Variants in NIPSNAP2 observed in about 807,000 individuals in gnomAD.
NIPSNAP2 encodes nipsnap homolog 2.
Under a neutral mutation model 48.4 loss-of-function variants are expected in NIPSNAP2, and 42 were observed. That is an observed-to-expected ratio of 0.87 (90% confidence interval 0.68 to 1.12). The LOEUF (loss-of-function observed/expected upper bound fraction) is 1.12, where lower values mean the gene tolerates loss of function less well. Ranked by LOEUF, NIPSNAP2 falls within the 50% of genes most tolerant of loss-of-function variation. The probability of loss-of-function intolerance (pLI) is 0.00; values close to 1 mark genes in which losing one functional copy is unlikely to be tolerated. For missense variants in NIPSNAP2, 314 were observed against 347.3 expected (o/e 0.90, Z 0.76); for synonymous variants, 158 against 126.6 (o/e 1.25, Z -1.67).
At chr7:55,971,460 A>G (rs545243202) in intron 1 of NIPSNAP2, among the ~76,000 whole-genome samples, 22 of 151,978 alleles carry the variant, frequency 1.4e-4, no homozygotes, top group African/African-American at 5.1e-4. Flanking sequence ...TCCCTTTGGT[A>G]TTATTATTTG....
At chr7:55,996,445 C>T (rs1787565941) in intron 8 of NIPSNAP2, among the ~76,000 whole-genome samples, 2 of 152,248 alleles carry the variant, frequency 1.3e-5, no homozygotes, top group South Asian at 4.2e-4. Context: ...TCAGCTTGCA[C>T]CTTTCCCACA....
Position 55,994,935 on chromosome 7 carries a change from T to C in NIPSNAP2, c.659T>C (p.Val220Ala). The stretch of plus-strand genomic sequence containing the variant: ...TTCAGACAGGATGGTAACGAAGCCG[T>C]CGGAGGATTCTTCTCTCAGATTGGG... ...IRFRQDGNEA[V>A]GGFFSQIGQL... The change falls in exon 8 of 10, where the codon GTC becomes GCC. Residue 220 changes from valine to alanine, a missense_variant. Val to Ala is a moderately conservative substitution (Grantham distance 64). Coordinates refer to ENST00000322090, the MANE Select transcript of NIPSNAP2 (RefSeq NM_001483.3). 1 of 1,614,176 alleles carries C rather than the reference T, an allele frequency of 6.2e-7. No individual in the cohort carries two copies. The highest frequency in any genetic ancestry group is 8.5e-7 in the Non-Finnish European group (1 of 1,180,034).
chr7:55,988,407 A>T (rs1466272901), intron 7 of NIPSNAP2, among the ~76,000 whole-genome samples: 1 of 152,210 alleles, frequency 6.6e-6, no homozygotes, highest in Non-Finnish European at 1.5e-5. Context: ...AAGTGAAACT[A>T]TAATGGGATA....
At chr7:55,966,768 C>T (rs931419775) in intron 1 of NIPSNAP2, among the ~76,000 whole-genome samples, 5 of 152,190 alleles carry the variant, frequency 3.3e-5, no homozygotes, top group African/African-American at 1.2e-4. Context: ...GGTGACAGAG[C>T]CAGACCCTGT....
chr7:55,976,666 G>A (rs1356635141), intron 1 of NIPSNAP2, among the ~76,000 whole-genome samples: 3 of 152,166 alleles, frequency 2.0e-5, no homozygotes, highest in African/African-American at 7.2e-5. Flanking sequence ...TGGGAGCATT[G>A]CTTGAGGCCA....
chr7:55,977,752 T>A (rs1787131043), intron 1 of NIPSNAP2, among the ~76,000 whole-genome samples: 1 of 152,076 alleles, frequency 6.6e-6, no homozygotes, highest in African/African-American at 2.4e-5. Context: ...TTCTTCATCT[T>A]CCTAAACTGA....
chr7:55,984,717 CA>C (rs34985300), intron 6 of NIPSNAP2, 129 bp from the exon 7 acceptor site: 151,708 of 485,204 alleles, frequency 0.31, 5,825 homozygotes, highest in African/African-American at 0.42. Flanking sequence ...GATTCTGTCT[CA>C]AAAAAAAAAA....
In NIPSNAP2 at chr7:55,968,094, G is replaced by A. The variant is rs956011554; in HGVS notation, c.92+3393G>A. On this transcript the variant is annotated intron_variant, in intron 1 of 9. Transcript: ENST00000322090. ...TGTGAGCCATTGTGCCCAGCCACAC[G>A]TCTAAAGAATTCTAAGCGGACATTT... Among the ~76,000 whole-genome samples the A allele has an allele frequency of 5.9e-5, 9 of 152,172 alleles. No individual in the cohort carries two copies. In the South Asian group the frequency reaches 1.2e-3, roughly 21 times the overall value.
chr7:55,996,457 C>T (rs1209123631), intron 8 of NIPSNAP2, among the ~76,000 whole-genome samples: 2 of 152,098 alleles, frequency 1.3e-5, no homozygotes, highest in Non-Finnish European at 1.5e-5. Context: ...TTTCCCACAG[C>T]TCTCCCATTG....
chr7:55,978,592 A>G (rs1052715352), intron 3 of NIPSNAP2, 197 bp downstream of exon 3: 10 of 576,026 alleles, frequency 1.7e-5, no homozygotes, highest in Non-Finnish European at 3.0e-5. Flanking sequence ...CAGCTAAATC[A>G]TCATATAGGC....
At chr7:55,986,038 A>T (rs770093333) in intron 7 of NIPSNAP2, among the ~76,000 whole-genome samples, 6 of 151,498 alleles carry the variant, frequency 4.0e-5, no homozygotes, top group Admixed American at 3.3e-4. Context: ...ACAGAGTGAG[A>T]CTCCTTTTCA....
At chr7:55,982,474 C>T (rs1021954432) in intron 5 of NIPSNAP2, among the ~76,000 whole-genome samples, 194 bp downstream of exon 5, 2 of 152,092 alleles carry the variant, frequency 1.3e-5, no homozygotes, top group African/African-American at 2.4e-5. Context: ...TCTGACCGGG[C>T]GCGGTGGCTC....
chr7:55,986,261 G>A (rs1193518461), intron 7 of NIPSNAP2, among the ~76,000 whole-genome samples: 1 of 152,016 alleles, frequency 6.6e-6, no homozygotes, highest in Non-Finnish European at 1.5e-5. Context: ...CCAGCTCCTC[G>A]GGAGGCTGAG....
chr7:55,965,569 ATTG>A (rs1238917275), intron 1 of NIPSNAP2, among the ~76,000 whole-genome samples: 1 of 151,600 alleles, frequency 6.6e-6, no homozygotes, highest in Non-Finnish European at 1.5e-5. Context: ...TATTATTATT[ATTG>A]TTGTTGTTTA....
rs886597226 is a variant in NIPSNAP2 at position 55,983,640 on chromosome 7, T to C, written c.445-88T>C. The C allele has an allele frequency of 1.9e-5, 26 of 1,365,682 alleles. No homozygotes were observed. In the African/African-American group the frequency reaches 2.7e-4, roughly 14 times the overall value. The allele number at this position is 1,365,682 out of a possible 1,614,324, so 84.6% of individuals were successfully genotyped here. A position where few individuals can be genotyped will look rare whatever the true frequency, so the allele number is the denominator to read the frequency against. Reference sequence around the variant, plus strand: ...CTGGGACCTGTTGATTACCCTATTATAGTATTCTGTAGGAACATCAATGTT... The same window carrying C: ...CTGGGACCTGTTGATTACCCTATTACAGTATTCTGTAGGAACATCAATGTT... On this transcript the variant is annotated intron_variant, in intron 5 of 9. Transcript: ENST00000322090.
chr7:55,983,979 T>TTGTATGTATA (rs1562765828), intron 6 of NIPSNAP2, 111 bp downstream of exon 6: 1 of 578,452 alleles, frequency 1.7e-6, no homozygotes, highest in Non-Finnish European at 2.9e-6. Flanking sequence ...ATGTCTAGCA[T>TTGTATGTATA]TATATGTATA....
At chr7:55,995,315 A>G (rs539499383) in intron 8 of NIPSNAP2, among the ~76,000 whole-genome samples, 17 of 152,306 alleles carry the variant, frequency 1.1e-4, no homozygotes, top group African/African-American at 3.1e-4. Flanking sequence ...CTGACTGCTT[A>G]CTTCCTCGAC....
chr7:55,989,306 A>T (rs1787395422), intron 7 of NIPSNAP2, among the ~76,000 whole-genome samples: 1 of 152,204 alleles, frequency 6.6e-6, no homozygotes, highest in African/African-American at 2.4e-5. Context: ...TGACTATTAT[A>T]ATATGAGAAA....
chr7:55,998,440 A>G (rs1180584014), intron 9 of NIPSNAP2, among the ~76,000 whole-genome samples: 2 of 149,456 alleles, frequency 1.3e-5, no homozygotes, highest in Non-Finnish European at 3.0e-5. Flanking sequence ...TTCTCCTCAC[A>G]GTATGGACTT....
Sources: allele counts gnomAD v4.1 joint callset (sites outside exome capture counted in the v4.1 genomes callset), GRCh38; gene constraint gnomAD v4.1.1; transcripts MANE v1.5; gene names NCBI Gene and HGNC (gene_info 2026-07-23, HGNC 2026-07-21).